The following EDIL3 variants were observed in gnomAD, a reference collection of about 807,000 sequenced individuals.
EDIL3 encodes the protein EGF like and discoidin domains 3.
Under a neutral mutation model 67.4 loss-of-function variants are expected in EDIL3, and 37 were observed. That is an observed-to-expected ratio of 0.55 (90% CI 0.42 to 0.72). The LOEUF is 0.72. Among genes scored for constraint, EDIL3 ranks in the 30% least tolerant of loss-of-function variants. The pLI, the probability that EDIL3 is intolerant of heterozygous loss-of-function variation, is 0.00. For synonymous variants in EDIL3, 195 were observed against 196.3 expected, an observed-to-expected ratio of 0.99 and a Z score of 0.05; for missense variants, 527 against 586.3, an observed-to-expected ratio of 0.90 and a Z score of 1.04.
At chr5:84,217,070 T>G (rs1021915612) in intron 3 of EDIL3, among the ~76,000 whole-genome samples, 1 of 151,044 alleles carries the variant, frequency 6.6e-6, no homozygotes, top group African/African-American at 2.4e-5. Flanking sequence ...CCAGGAAATC[T>G]CCACAACAGT....
intron 3 of EDIL3, among the ~76,000 whole-genome samples, chr5:84,198,295 A>G (rs978288366): frequency 2.6e-5 from 4 of 151,976 alleles, no homozygotes; most frequent in Non-Finnish European, 4.4e-5. Flanking sequence ...CTGATGATAG[A>G]ATTCTTGGTC....
chr5:84,343,389 C>T (rs185872390), intron 1 of EDIL3, among the ~76,000 whole-genome samples: 157 of 152,052 alleles, frequency 1.0e-3, no homozygotes, highest in Non-Finnish European at 1.9e-3. Context: ...TGGATCAGGT[C>T]TTTAAGTCCT....
Position 84,060,367 on chromosome 5 carries a change from C to T in EDIL3, c.1070G>A (p.Arg357Gln), listed in dbSNP as rs1400905932. Residue 357 changes from arginine to glutamine, a missense_variant, in exon 9 of 11, where the codon CGG becomes CAG. Physicochemically the swap from Arg to Gln is conservative, Grantham distance 43 (BLOSUM62 1). Transcript: ENST00000296591. ...ATTCACTTTGCCTTGCTTGTCCAGC[C>T]GAGCTTTCCTTGGTTCCCAAGTGAA... The part of the protein sequence containing the change: ...DMFTWEPRKA[R>Q]LDKQGKVNAW... The T allele has an allele frequency of 3.1e-6, 5 of 1,613,844 alleles. No homozygotes were observed. Among genetic ancestry groups the T allele is most frequent in the Non-Finnish European group, 4.2e-6 (5 of 1,179,860 alleles).
intron 1 of EDIL3, among the ~76,000 whole-genome samples, chr5:84,356,590 G>A (rs183926584): frequency 3.3e-5 from 5 of 152,214 alleles, no homozygotes; most frequent in African/African-American, 4.8e-5. Context: ...ATTACATTGA[G>A]CCCAGCAGAT....
intron 4 of EDIL3, among the ~76,000 whole-genome samples, chr5:84,173,804 G>A (rs1179667192): frequency 6.6e-6 from 1 of 152,162 alleles, no homozygotes; most frequent in Non-Finnish European, 1.5e-5. Flanking sequence ...ATGTCCCCAC[G>A]TGGCCTTTGT....
chr5:83,984,304 T>C (rs1455438334), intron 9 of EDIL3, among the ~76,000 whole-genome samples: 1 of 151,976 alleles, frequency 6.6e-6, no homozygotes, highest in Non-Finnish European at 1.5e-5. Context: ...GTTCTGGAAA[T>C]ATCTGGCAAA....
chr5:84,361,962 G>C (rs1262904201), intron 1 of EDIL3, among the ~76,000 whole-genome samples: 1 of 151,956 alleles, frequency 6.6e-6, no homozygotes, highest in Non-Finnish European at 1.5e-5. Flanking sequence ...CTACACATGA[G>C]TTTTCTGCAT....
At chr5:84,027,017 C>A (rs1237977526) in intron 9 of EDIL3, among the ~76,000 whole-genome samples, 1 of 152,082 alleles carries the variant, frequency 6.6e-6, no homozygotes, top group Non-Finnish European at 1.5e-5. Flanking sequence ...ATCACCTGAG[C>A]CCAAGAGGCA....
chr5:84,099,196 A>G (rs560613527), intron 6 of EDIL3, among the ~76,000 whole-genome samples: 1 of 152,328 alleles, frequency 6.6e-6, no homozygotes, highest in South Asian at 2.1e-4. Context: ...CATAGATTCA[A>G]TGCTATCCCC....
chr5:84,166,812 A>G (rs533036858), intron 4 of EDIL3, among the ~76,000 whole-genome samples: 1 of 152,226 alleles, frequency 6.6e-6, no homozygotes, highest in South Asian at 2.1e-4. Flanking sequence ...GAAAGGGAGC[A>G]AGAATCATGG....
intron 9 of EDIL3, among the ~76,000 whole-genome samples, chr5:84,054,111 T>A (rs1325446596): frequency 6.6e-6 from 1 of 152,174 alleles, no homozygotes; most frequent in Non-Finnish European, 1.5e-5. Context: ...TTATCCACCA[T>A]GATCAAGTGG....
At chr5:84,278,780 C>T (rs950909907) in intron 1 of EDIL3, among the ~76,000 whole-genome samples, 2 of 151,808 alleles carry the variant, frequency 1.3e-5, no homozygotes, top group East Asian at 3.9e-4. Context: ...GACTCCTCTC[C>T]CAGAGGACCA....
At position 83,943,104 on chromosome 5, in the gene EDIL3, T is replaced by C. The variant is rs1454301577; in HGVS notation, c.*315A>G. The C allele has an allele frequency of 3.7e-6, 1 of 273,548 alleles. No individual in the cohort carries two copies. The highest frequency in any genetic ancestry group is 7.0e-6 in the Non-Finnish European group (1 of 142,504). 16.9% of individuals were successfully genotyped at this position (273,548 alleles called of 1,614,324 possible). A position where few individuals can be genotyped will look rare whatever the true frequency, so the allele number is the denominator to read the frequency against. On this transcript the variant is annotated 3_prime_UTR_variant, in exon 11 of 11. Coordinates refer to ENST00000296591, the MANE Select transcript of EDIL3 (RefSeq NM_005711.5). ...CTTTGAGACTTTTTTACTCTTGCTA[T>C]AAAAAGAAGGCTACTTTCTTTCCCT...
At chr5:84,114,993 A>G (rs1747639346) in intron 5 of EDIL3, among the ~76,000 whole-genome samples, 1 of 152,212 alleles carries the variant, frequency 6.6e-6, no homozygotes, top group Admixed American at 6.5e-5. Flanking sequence ...AGCACTTAGC[A>G]CAGTGCTTAC....
chr5:84,114,182 TC>T (rs1747624768), intron 5 of EDIL3, among the ~76,000 whole-genome samples: 1 of 144,304 alleles, frequency 6.9e-6, no homozygotes, highest in Non-Finnish European at 1.5e-5. Flanking sequence ...ATGAGTCGTG[TC>T]AGCTAAGCCC....
intron 9 of EDIL3, among the ~76,000 whole-genome samples, chr5:84,038,239 C>T (rs1746059412): frequency 6.6e-6 from 1 of 151,956 alleles, no homozygotes; most frequent in Non-Finnish European, 1.5e-5. Context: ...CAGTCTGCAC[C>T]CAGCCTATCT....
intron 6 of EDIL3, among the ~76,000 whole-genome samples, chr5:84,084,063 T>A (rs1747025342): frequency 6.6e-6 from 1 of 152,158 alleles, no homozygotes; most frequent in Admixed American, 6.5e-5. Flanking sequence ...CACAACTTCT[T>A]AATAAGGTAG....
chr5:83,984,361 G>C (rs1745024004), intron 9 of EDIL3, among the ~76,000 whole-genome samples: 2 of 152,096 alleles, frequency 1.3e-5, no homozygotes, highest in South Asian at 4.1e-4. Context: ...ATATCATAGA[G>C]CAGAGACCTG....
At chr5:84,227,449 A>G (rs1744473509) in intron 3 of EDIL3, among the ~76,000 whole-genome samples, 1 of 152,122 alleles carries the variant, frequency 6.6e-6, no homozygotes, top group Admixed American at 6.6e-5. Context: ...AAGGCTGTGG[A>G]GAAAAGGGAA....
Sources: gnomAD v4.1 joint callset for allele counts (sites outside exome capture counted in the v4.1 genomes callset) on GRCh38, gnomAD v4.1.1 for gene constraint, MANE v1.5 for transcripts, NCBI Gene and HGNC (gene_info 2026-07-23, HGNC 2026-07-21) for gene names.